CNKSR2: variants seen among roughly 807,000 people sequenced by gnomAD.
The protein encoded by CNKSR2 is CNK homolog protein 2.
A neutral mutation model predicts 84.4 loss-of-function variants in CNKSR2; 14 were observed. The ratio of observed to expected loss-of-function variants is 0.17; its 90% CI spans 0.11 to 0.26. The LOEUF is 0.26. CNKSR2 is among the 10% of genes least tolerant of loss of function. The pLI, the probability that CNKSR2 is intolerant of heterozygous loss-of-function variation, is 1.00. For missense variants in CNKSR2, 485 were observed against 771.2 expected (o/e 0.63, Z 4.40); for synonymous variants, 275 against 277.9 (o/e 0.99, Z 0.10).
At chrX:21,479,297 C>G (rs769507927) in intron 5 of CNKSR2, among the ~76,000 whole-genome samples, 12 of 111,451 alleles carry the variant, frequency 1.1e-4, no homozygotes, top group South Asian at 3.7e-4. Flanking sequence ...CACACACACA[C>G]AGAGACATAT....
At chrX:21,604,919 G>A (rs1156323549) in intron 18 of CNKSR2, among the ~76,000 whole-genome samples, 2 of 111,628 alleles carry the variant, frequency 1.8e-5, no homozygotes, top group African/African-American at 6.5e-5. Context: ...AAGAACACCA[G>A]GCATTTATTT....
intron 8 of CNKSR2, among the ~76,000 whole-genome samples, chrX:21,510,745 A>G (rs2147084634): frequency 8.9e-6 from 1 of 111,954 alleles, no homozygotes; most frequent in African/African-American, 3.2e-5. Context: ...AGCACTTGGG[A>G]TTCCTTAATG....
intron 20 of CNKSR2, among the ~76,000 whole-genome samples, chrX:21,640,196 T>C (rs1459766608): frequency 9.0e-6 from 1 of 111,637 alleles, no homozygotes; most frequent in Non-Finnish European, 1.9e-5. Flanking sequence ...AAAAGGTTCA[T>C]GTAACCTTAT....
chrX:21,594,216 A>C (rs1297519131), intron 15 of CNKSR2: 1 of 111,791 alleles, frequency 8.9e-6, no homozygotes, highest in Admixed American at 9.5e-5. Context: ...AAATAAATGC[A>C]GGAACAGAAA....
intron 20 of CNKSR2, among the ~76,000 whole-genome samples, chrX:21,621,844 G>T (rs1185150799): frequency 9.1e-6 from 1 of 110,137 alleles, no homozygotes; most frequent in African/African-American, 3.3e-5. Flanking sequence ...TTTGTCAAAC[G>T]AAATTAAAAA....
At chrX:21,478,361 T>C (rs183497255) in intron 5 of CNKSR2, among the ~76,000 whole-genome samples, 4 of 111,991 alleles carry the variant, frequency 3.6e-5, no homozygotes, top group African/African-American at 1.3e-4. Context: ...AATCCAGATA[T>C]AACATGATAG....
chrX:21,585,938 C>T (rs2092384687), intron 13 of CNKSR2, among the ~76,000 whole-genome samples: 1 of 111,426 alleles, frequency 9.0e-6, no homozygotes, highest in South Asian at 3.8e-4. Flanking sequence ...GATCAATAAG[C>T]GTTACAAGCT....
At chrX:21,550,136 A>G (rs1027828515) in intron 11 of CNKSR2, among the ~76,000 whole-genome samples, 1 of 112,125 alleles carries the variant, frequency 8.9e-6, no homozygotes, top group Non-Finnish European at 1.9e-5. Flanking sequence ...CAGTCAACCT[A>G]CAGAATGGGA....
intron 20 of CNKSR2, among the ~76,000 whole-genome samples, chrX:21,610,683 T>C (rs758860383): frequency 8.9e-6 from 1 of 111,989 alleles, no homozygotes; most frequent in Non-Finnish European, 1.9e-5. Context: ...CTTCAGCCCA[T>C]TTTACAAATA....
chrX:21,648,920 C>T lies in CNKSR2; in HGVS notation c.2782C>T (p.Arg928Cys). Residue 928 changes from arginine to cysteine, a missense_variant, in exon 21 of 22, where the codon CGT becomes TGT. Arg to Cys is a radical substitution (Grantham distance 180). Around this residue, in one of 5 missense-constraint regions of CNKSR2, gnomAD observed 210 missense variants for 291.5 expected, o/e 0.72. Coordinates refer to ENST00000379510, the MANE Select transcript of CNKSR2 (RefSeq NM_014927.5). ...QASLSPLGEHRISTKMEYKLS... is the reference protein window; with the variant it reads ...QASLSPLGEHCISTKMEYKLS... ...CAGTCTGTCACCACTAGGAGAACAT[C>T]GTATTTCAACCAAGATGGAATACAA... is the stretch of plus-strand genomic sequence containing the variant. The T allele has an allele frequency of 5.0e-6, 6 of 1,191,123 alleles. No individual in the cohort carries two copies. The highest frequency in any genetic ancestry group is 6.8e-6 in the Non-Finnish European group (6 of 882,361).
intron 8 of CNKSR2, chrX:21,503,582 A>T (rs1164150306): frequency 2.1e-5 from 4 of 191,435 alleles, no homozygotes; most frequent in Middle Eastern, 1.7e-3. Context: ...ATTTTATTAT[A>T]CTCCCTCCCA....
At chrX:21,508,753 A>C (rs1293727618) in intron 8 of CNKSR2, among the ~76,000 whole-genome samples, 1 of 112,149 alleles carries the variant, frequency 8.9e-6, no homozygotes, top group Non-Finnish European at 1.9e-5. Flanking sequence ...GACACCAACT[A>C]TACAAAGTCC....
intron 11 of CNKSR2, among the ~76,000 whole-genome samples, chrX:21,545,943 T>C (rs1414447701): frequency 7.2e-5 from 8 of 111,594 alleles, no homozygotes; most frequent in Non-Finnish European, 1.5e-4. Context: ...AAGATCAAAA[T>C]AGATAAATCC....
intron 13 of CNKSR2, among the ~76,000 whole-genome samples, chrX:21,585,873 G>C (rs1222786986): frequency 2.7e-5 from 3 of 111,569 alleles, no homozygotes; most frequent in African/African-American, 9.8e-5. Context: ...ATGAAGATGG[G>C]AATTTTTAGA....
chrX:21,570,467 G>A (rs770842432), intron 13 of CNKSR2, among the ~76,000 whole-genome samples: 1 of 111,662 alleles, frequency 9.0e-6, no homozygotes, highest in African/African-American at 3.3e-5. Flanking sequence ...TTGGTTTAAG[G>A]GAATGTTATG....
chrX:21,553,230 A>AT (rs1408263360), intron 11 of CNKSR2, among the ~76,000 whole-genome samples: 1 of 111,648 alleles, frequency 9.0e-6, no homozygotes, highest in Admixed American at 9.5e-5. Flanking sequence ...GTCTAATGTA[A>AT]TGGTCTTGAA....
chrX:21,552,460 G>T (rs752746393), intron 11 of CNKSR2, among the ~76,000 whole-genome samples: 5 of 111,693 alleles, frequency 4.5e-5, no homozygotes, highest in Non-Finnish European at 9.4e-5. Flanking sequence ...ATGTTTTATG[G>T]AATGTATTTT....
chrX:21,567,281 G>A (rs909238177), intron 13 of CNKSR2, among the ~76,000 whole-genome samples: 10 of 111,985 alleles, frequency 8.9e-5, no homozygotes, highest in African/African-American at 3.2e-4. Context: ...GGTAGGACAG[G>A]TATGCCTATG....
rs1044547779 is a variant in CNKSR2, at chrX:21,637,921, A to G, written c.2693-10910A>G. 6.3e-5 allele frequency among the ~76,000 whole-genome samples: 7 copies of G among 111,397 alleles called. No individual in the cohort carries two copies. The South Asian group carries it at 1.1e-3, about 18-fold the overall frequency. ...CTCTTGATAGACTTGAATATCTGCT[A>G]TTGATGACCTTTGTTATCCACAAAT... On this transcript the variant is annotated intron_variant, in intron 20 of 21. Transcript: ENST00000379510.
Sources: gnomAD v4.1 joint callset for allele counts (sites outside exome capture counted in the v4.1 genomes callset) on GRCh38, gnomAD v4.1.1 for gene constraint, gnomAD v4.1.1 regional missense constraint, MANE v1.5 for transcripts, NCBI Gene and HGNC (gene_info 2026-07-23, HGNC 2026-07-21) for gene names.